The following KCNC2 variants were observed in gnomAD, a reference collection of about 807,000 sequenced individuals.
KCNC2 encodes voltage-gated potassium channel KCNC2.
KCNC2 carries 21 observed loss-of-function variants against 44.5 expected under a neutral mutation model. The ratio of observed to expected loss-of-function variants is 0.47; its 90% CI spans 0.33 to 0.68. The LOEUF (loss-of-function observed/expected upper bound fraction) is 0.68, where lower values mean the gene tolerates loss of function less well. Ranked by LOEUF, KCNC2 falls within the 30% of genes least tolerant of loss-of-function variation. The pLI is 0.01. For synonymous variants in KCNC2, 391 were observed against 339.1 expected (o/e 1.15, Z -1.68); for missense variants, 589 against 826.2 (o/e 0.71, Z 3.52).
chr12:75,122,737 C>T, intron 2 of KCNC2, among the ~76,000 whole-genome samples: 1 of 152,098 alleles, frequency 6.6e-6, no homozygotes, highest in South Asian at 2.1e-4. Context: ...TATTCATTAT[C>T]ATCTAGTATT....
intron 2 of KCNC2, among the ~76,000 whole-genome samples, chr12:75,057,820 T>C (rs1881907944): frequency 6.6e-6 from 1 of 151,966 alleles, no homozygotes. Flanking sequence ...AAAATTACTA[T>C]TGACCACTGA....
Position 75,050,510 on chromosome 12 carries a change from G to T in KCNC2, c.1495C>A (p.Pro499Thr), listed in dbSNP as rs898373321. The T allele has an allele frequency of 2.5e-6, 4 of 1,613,662 alleles. No individual in the cohort carries two copies. Among genetic ancestry groups the T allele is most frequent in the Non-Finnish European group, 3.4e-6 (4 of 1,179,774 alleles). Residue 499 changes from proline to threonine, a missense_variant, in exon 3 of 5, where the codon CCT becomes ACT. Coordinates refer to ENST00000549446, the MANE Select transcript of KCNC2 (RefSeq NM_139137.4). ...GTAGGTGAGCTTGCCTGAGGAGCAG[G>T]AGGGATGTGCTTCTTTCTTTTCCTT... is the stretch of plus-strand genomic sequence containing the variant. ...LPRKRKKHIP[P>T]APQASSPTFC... is the part of the protein sequence containing the mutation.
chr12:75,155,124 G>C (rs1297857579), intron 2 of KCNC2, among the ~76,000 whole-genome samples: 2 of 148,558 alleles, frequency 1.3e-5, no homozygotes, highest in Non-Finnish European at 3.0e-5. Flanking sequence ...TCTCTCCCAA[G>C]AAAAAAAAAC....
intron 2 of KCNC2, among the ~76,000 whole-genome samples, chr12:75,057,959 G>A (rs537818634): frequency 1.8e-4 from 28 of 151,882 alleles, no homozygotes; most frequent in African/African-American, 6.8e-4. Context: ...AATTGTAATT[G>A]TTTGTTTAGA....
At chr12:75,050,167 C>T (rs766541100) in intron 3 of KCNC2, among the ~76,000 whole-genome samples, 1 of 151,752 alleles carries the variant, frequency 6.6e-6, no homozygotes, top group Admixed American at 6.6e-5. Flanking sequence ...CCCACTAAAG[C>T]AGGAAAACTC....
Position 75,209,795 on chromosome 12 carries a change from AT to A in KCNC2, c.-609del, listed in dbSNP as rs950050627. On this transcript the variant is annotated 5_prime_UTR_variant, in exon 1 of 5. Transcript: ENST00000549446. ...CTATGTGTACCAACCAGGTTCACAT[AT>A]TTTTCTTCCGTGAAGCTCTGTCTCC... 6 of 151,846 alleles carry A rather than the reference AT, an allele frequency of 4.0e-5. No individual in the cohort carries two copies. The highest frequency in any genetic ancestry group is 1.5e-4 in the African/African-American group (6 of 41,376). The allele number at this position is 151,846 out of a possible 1,614,324, so 9.4% of individuals were successfully genotyped here.
At chr12:75,099,122 A>C (rs904588601) in intron 2 of KCNC2, among the ~76,000 whole-genome samples, 1 of 152,192 alleles carries the variant, frequency 6.6e-6, no homozygotes, top group South Asian at 2.1e-4. Flanking sequence ...GTAAAATGTC[A>C]CTATTATTTA....
chr12:75,167,419 T>C (rs1891532706), intron 2 of KCNC2, among the ~76,000 whole-genome samples: 1 of 151,310 alleles, frequency 6.6e-6, no homozygotes, highest in African/African-American at 2.4e-5. Context: ...AATAAAAGCT[T>C]CTTATGAATC....
chr12:75,105,704 C>T (rs1179861290), intron 2 of KCNC2, among the ~76,000 whole-genome samples: 1 of 152,062 alleles, frequency 6.6e-6, no homozygotes, highest in Non-Finnish European at 1.5e-5. Context: ...TTGGCCCATA[C>T]AAATCGAAGA....
intron 2 of KCNC2, among the ~76,000 whole-genome samples, chr12:75,071,509 T>G (rs1883397811): frequency 6.6e-6 from 1 of 152,226 alleles, no homozygotes; most frequent in Non-Finnish European, 1.5e-5. Context: ...ATGCATATTA[T>G]AAGTTTTCAA....
At chr12:75,099,718 T>A (rs1419406206) in intron 2 of KCNC2, among the ~76,000 whole-genome samples, 1 of 152,112 alleles carries the variant, frequency 6.6e-6, no homozygotes, top group Non-Finnish European at 1.5e-5. Context: ...TAACCTCAAG[T>A]CTCTATTGAA....
intron 2 of KCNC2, among the ~76,000 whole-genome samples, chr12:75,110,434 C>T (rs1324777062): frequency 1.3e-5 from 2 of 152,120 alleles, no homozygotes; most frequent in East Asian, 1.9e-4. Context: ...AGATGAGACA[C>T]CTATCACCAG....
chr12:75,041,539 A>C lies in KCNC2; in HGVS notation c.*1566T>G. 1 of 1,121,508 alleles carries C rather than the reference A, an allele frequency of 8.9e-7. No individual in the cohort carries two copies. Among genetic ancestry groups the C allele is most frequent in the Non-Finnish European group, 1.1e-6 (1 of 908,662 alleles). 69.5% of individuals were successfully genotyped at this position (1,121,508 alleles called of 1,614,324 possible). Reference sequence around the variant, plus strand: ...TGATATTATTTATCCCTCTATTTATATTACGGTCTTTTTCTTCCCTCACAT... The same window carrying C: ...TGATATTATTTATCCCTCTATTTATCTTACGGTCTTTTTCTTCCCTCACAT... On this transcript the variant is annotated 3_prime_UTR_variant, in exon 5 of 5. Transcript: ENST00000549446.
chr12:75,049,095 A>G (rs1395899111), intron 3 of KCNC2, among the ~76,000 whole-genome samples: 1 of 152,146 alleles, frequency 6.6e-6, no homozygotes, highest in Non-Finnish European at 1.5e-5. Context: ...TACCTTTCAT[A>G]AATACATTCT....
intron 2 of KCNC2, among the ~76,000 whole-genome samples, chr12:75,191,614 A>G (rs1056924541): frequency 7.6e-6 from 1 of 131,334 alleles, no homozygotes; most frequent in African/African-American, 2.9e-5. Context: ...GCAGTGGCGC[A>G]ATCTCGGCTC....
chr12:75,125,893 C>T (rs978699017), intron 2 of KCNC2, among the ~76,000 whole-genome samples: 2 of 152,188 alleles, frequency 1.3e-5, no homozygotes, highest in Non-Finnish European at 2.9e-5. Context: ...TAGGCTCATC[C>T]ATTGGGGAAT....
intron 2 of KCNC2, among the ~76,000 whole-genome samples, chr12:75,070,729 A>C (rs1195287011): frequency 2.0e-5 from 3 of 151,900 alleles, no homozygotes; most frequent in Non-Finnish European, 4.4e-5. Flanking sequence ...CCCTTTATAA[A>C]ATTTATATCT....
At chr12:75,091,855 A>G (rs34465099) in intron 2 of KCNC2, among the ~76,000 whole-genome samples, 1 of 151,740 alleles carries the variant, frequency 6.6e-6, no homozygotes, top group South Asian at 2.1e-4. Flanking sequence ...ATATGGAAAT[A>G]CTATACATTT....
intron 2 of KCNC2, among the ~76,000 whole-genome samples, chr12:75,111,834 T>C (rs1887272810): frequency 6.6e-6 from 1 of 152,104 alleles, no homozygotes; most frequent in African/African-American, 2.4e-5. Flanking sequence ...ACAGCACATA[T>C]AAACAGCTAA....
Sources: gnomAD v4.1 joint callset for allele counts (sites outside exome capture counted in the v4.1 genomes callset) on GRCh38, gnomAD v4.1.1 for gene constraint, MANE v1.5 for transcripts, NCBI Gene and HGNC (gene_info 2026-07-23, HGNC 2026-07-21) for gene names.